Variants in OPRM1 observed in about 807,000 individuals in gnomAD.
OPRM1 encodes mu-type opioid receptor.
In OPRM1, 27 loss-of-function variants were observed where a neutral mutation model predicts 31.8. The ratio of observed to expected loss-of-function variants is 0.85; its 90% CI spans 0.63 to 1.17. OPRM1 has a LOEUF of 1.17. OPRM1 is among the 50% of genes most tolerant of loss of function. The probability of loss-of-function intolerance (pLI) is 0.00; values close to 1 mark genes in which losing one functional copy is unlikely to be tolerated. For missense variants in OPRM1, 536 were observed against 511.1 expected, an observed-to-expected ratio of 1.05 and a Z score of -0.47; for synonymous variants, 196 against 189.9, an observed-to-expected ratio of 1.03 and a Z score of -0.26.
Position 154,123,712 on chromosome 6 carries a change from C to T in OPRM1, c.*4991C>T, listed in dbSNP as rs971816610. ...CTGAGGGTTCTTCCCCTTTTAAGACCGCATAGGGCAACTTCCTGACATTGC... is the reference window on the plus strand; with the variant it reads ...CTGAGGGTTCTTCCCCTTTTAAGACTGCATAGGGCAACTTCCTGACATTGC... On this transcript the variant is annotated 3_prime_UTR_variant, in exon 4 of 4. Transcript: ENST00000330432. Among the ~76,000 whole-genome samples the T allele has an allele frequency of 2.0e-5, 3 of 152,112 alleles. No individual in the cohort carries two copies. The highest frequency in any genetic ancestry group is 1.3e-4 in the Admixed American group (2 of 15,262).
At chr6:154,171,591 T>C (rs1042333061) in intron 3 of OPRM1, among the ~76,000 whole-genome samples, 2 of 152,186 alleles carry the variant, frequency 1.3e-5, no homozygotes, top group Non-Finnish European at 2.9e-5. Flanking sequence ...ACCAATGAAC[T>C]GTACACTTTC....
intron 3 of OPRM1, among the ~76,000 whole-genome samples, chr6:154,117,534 TCAC>T (rs1403799968): frequency 2.0e-5 from 3 of 152,108 alleles, no homozygotes; most frequent in Non-Finnish European, 4.4e-5. Flanking sequence ...GTGGGTCGTA[TCAC>T]AGTTGAGGAA....
rs962780131 is a variant in OPRM1 at position 154,124,973 on chromosome 6, C to G, written c.*6252C>G. Among the ~76,000 whole-genome samples, 2 of 152,170 alleles carry G rather than the reference C, an allele frequency of 1.3e-5. No individual in the cohort carries two copies. Among genetic ancestry groups the G allele is most frequent in the African/African-American group, 4.8e-5 (2 of 41,428 alleles). On this transcript the variant is annotated 3_prime_UTR_variant, in exon 4 of 4. Coordinates refer to ENST00000330432, the MANE Select transcript of OPRM1 (RefSeq NM_000914.5). ...AAGTTGTAAAGGTTCTGTAGAATCT[C>G]TCAGACCAGGTACAGGACCTACCAA...
chr6:154,079,666 T>C (rs760908703), intron 1 of OPRM1, among the ~76,000 whole-genome samples: 1 of 152,132 alleles, frequency 6.6e-6, no homozygotes, highest in Non-Finnish European at 1.5e-5. Context: ...ATACCACAAA[T>C]ATCACAAAAT....
At chr6:154,040,994 G>T (rs1779941990) in intron 1 of OPRM1, among the ~76,000 whole-genome samples, 1 of 151,864 alleles carries the variant, frequency 6.6e-6, no homozygotes, top group African/African-American at 2.4e-5. Context: ...CCAGGGGTAT[G>T]TGTATATAGG....
intron 3 of OPRM1, among the ~76,000 whole-genome samples, chr6:154,177,352 A>G (rs993795491): frequency 6.6e-6 from 1 of 152,228 alleles, no homozygotes; most frequent in Non-Finnish European, 1.5e-5. Context: ...TGAACAGGCA[A>G]CCTACAGAAT....
chr6:154,079,617 A>G (rs1164731425), intron 1 of OPRM1, among the ~76,000 whole-genome samples: 3 of 152,244 alleles, frequency 2.0e-5, no homozygotes, highest in African/African-American at 7.2e-5. Context: ...AATTCAATGG[A>G]AAAATCATTT....
At chr6:154,198,574 T>C (rs181134239) in intron 3 of OPRM1, among the ~76,000 whole-genome samples, 12 of 151,934 alleles carry the variant, frequency 7.9e-5, no homozygotes, top group Admixed American at 6.6e-4. Context: ...CTGTTATAAC[T>C]TGGAGAATTA....
At chr6:154,222,039 T>C (rs556458469) in intron 3 of OPRM1, among the ~76,000 whole-genome samples, 1 of 152,356 alleles carries the variant, frequency 6.6e-6, no homozygotes, top group South Asian at 2.1e-4. Flanking sequence ...TTCTTCACTT[T>C]CAATCAAATA....
intron 3 of OPRM1, among the ~76,000 whole-genome samples, chr6:154,142,831 C>T (rs979161603): frequency 6.6e-6 from 1 of 152,208 alleles, no homozygotes; most frequent in African/African-American, 2.4e-5. Context: ...ATACCTTCCA[C>T]TGCTCACACT....
chr6:154,138,704 TAGTTTAA>T (rs2128537143), intron 3 of OPRM1, among the ~76,000 whole-genome samples: 1 of 152,346 alleles, frequency 6.6e-6, no homozygotes, highest in Admixed American at 6.5e-5. Context: ...TTAGAGTTTA[TAGTTTAA>T]AACAAAGATG....
intron 3 of OPRM1, among the ~76,000 whole-genome samples, chr6:154,112,875 T>G (rs769496354): frequency 1.3e-4 from 20 of 152,178 alleles, no homozygotes; most frequent in Non-Finnish European, 2.4e-4. Flanking sequence ...GTCAGCAGAA[T>G]CCCATCCACA....
At chr6:154,196,878 T>C (rs920115677) in intron 3 of OPRM1, among the ~76,000 whole-genome samples, 2 of 152,120 alleles carry the variant, frequency 1.3e-5, no homozygotes, top group Non-Finnish European at 2.9e-5. Context: ...CAGGAGAAAA[T>C]GTCTAACAGA....
At chr6:154,140,772 G>A (rs913618305) in intron 3 of OPRM1, among the ~76,000 whole-genome samples, 3 of 152,102 alleles carry the variant, frequency 2.0e-5, no homozygotes, top group African/African-American at 4.8e-5. Context: ...CCCTATTGAC[G>A]GCCTGGCAGG....
intron 3 of OPRM1, among the ~76,000 whole-genome samples, chr6:154,152,330 A>AGGAAAGAAAGAAAGAAG (rs373911988): frequency 2.2e-5 from 1 of 44,906 alleles, no homozygotes; most frequent in Non-Finnish European, 3.9e-5. Flanking sequence ...AAAGAAAGAA[A>AGGAAAGAAAGAAAGAAG]GAAAGAAAGA....
At chr6:154,234,144 G>T (rs954555823) in intron 3 of OPRM1, among the ~76,000 whole-genome samples, 1 of 152,144 alleles carries the variant, frequency 6.6e-6, no homozygotes, top group Non-Finnish European at 1.5e-5. Flanking sequence ...GGAGTTTGAG[G>T]TTGTGGTGAG....
intron 3 of OPRM1, among the ~76,000 whole-genome samples, chr6:154,170,372 C>T (rs774562702): frequency 5.3e-5 from 8 of 152,140 alleles, no homozygotes; most frequent in Non-Finnish European, 8.8e-5. Context: ...ATAATGGTGA[C>T]CTAGGAGCAT....
chr6:154,210,732 T>C (rs1777892023), intron 3 of OPRM1, among the ~76,000 whole-genome samples: 1 of 152,228 alleles, frequency 6.6e-6, no homozygotes, highest in African/African-American at 2.4e-5. Flanking sequence ...AATAATATTA[T>C]AAATGTAGTT....
intron 3 of OPRM1, among the ~76,000 whole-genome samples, chr6:154,181,425 G>C (rs897385737): frequency 2.6e-5 from 4 of 152,144 alleles, no homozygotes; most frequent in Non-Finnish European, 5.9e-5. Context: ...AATTCACAAA[G>C]AGACAAACCT....
Sources: allele counts gnomAD v4.1 joint callset (sites outside exome capture counted in the v4.1 genomes callset), GRCh38; gene constraint gnomAD v4.1.1; transcripts MANE v1.5; gene names NCBI Gene and HGNC (gene_info 2026-07-23, HGNC 2026-07-21).